DCK: variants seen among roughly 807,000 people sequenced by gnomAD.
DCK encodes deoxycytidine kinase, also known as deoxyadenosine kinase.
DCK carries 23 observed loss-of-function variants against 38.3 expected under a neutral mutation model. That is an observed-to-expected ratio of 0.60 (90% CI 0.43 to 0.85). The LOEUF (loss-of-function observed/expected upper bound fraction) is 0.85. DCK is among the 40% of genes least tolerant of loss of function. The pLI is 0.00. For synonymous variants in DCK, 108 were observed against 100.6 expected (o/e 1.07, Z -0.44); for missense variants, 259 against 304.4 (o/e 0.85, Z 1.11).
In DCK at chr4:71,025,816, A is replaced by G; in HGVS notation, c.550A>G (p.Thr184Ala). Residue 184 changes from threonine (T) to alanine (A), a missense_variant and splice_region_variant, in exon 5 of 7, where the codon ACA becomes GCA. Transcript: ENST00000286648. ...GIIYLQATPE[T>A]CLHRIYLRGR... is the part of the protein sequence containing the mutation. Reference sequence around the variant, plus strand: ...TCCATCTCTTATTACTTGCTTTTAGACATGCTTACATAGAATATATTTACG... The same window carrying G: ...TCCATCTCTTATTACTTGCTTTTAGGCATGCTTACATAGAATATATTTACG... 6.3e-7 allele frequency: 1 copy of G among 1,595,240 alleles called. No homozygotes were observed. The highest frequency in any genetic ancestry group is 2.2e-5 in the East Asian group (1 of 44,524).
chr4:71,025,819 T>A lies in DCK; in HGVS notation c.553T>A (p.Cys185Ser). ...IIYLQATPET[C>S]LHRIYLRGRN... ...ATCTCTTATTACTTGCTTTTAGACA[T>A]GCTTACATAGAATATATTTACGGGG... The change falls in exon 5 of 7, where the codon TGC becomes AGC. Residue 185 changes from cysteine to serine, a missense_variant. Cys to Ser is a moderately radical substitution (Grantham distance 112). Around this residue, in one of 3 missense-constraint regions of DCK, gnomAD observed 82 missense variants for 103.8 expected, o/e 0.79. Transcript: ENST00000286648. The A allele has an allele frequency of 6.2e-7, 1 of 1,605,670 alleles. No individual in the cohort carries two copies. Among genetic ancestry groups the A allele is most frequent in the Non-Finnish European group, 8.5e-7 (1 of 1,176,982 alleles).
Position 70,998,926 on chromosome 4 carries a change from A to C in DCK, c.207+744A>C, listed in dbSNP as rs1017854474. 4.4e-5 allele frequency among the ~76,000 whole-genome samples: 6 copies of C among 137,384 alleles called. No individual in the cohort carries two copies. In the East Asian group the frequency reaches 1.0e-3, roughly 23 times the overall value. 90.1% of individuals were successfully genotyped at this position (137,384 alleles called of 152,430 possible). ...TGACAGAATGAGACACTGTCTCAAC[A>C]AAAAAAAAAAAAGGAAAGTAAAATT... On this transcript the variant is annotated intron_variant, in intron 2 of 6. Transcript: ENST00000286648.
At chr4:71,019,185 C>G (rs1259521824) in intron 2 of DCK, among the ~76,000 whole-genome samples, 1 of 152,006 alleles carries the variant, frequency 6.6e-6, no homozygotes, top group Non-Finnish European at 1.5e-5. Context: ...GCTGAAAATT[C>G]TATTTCAGAT....
At chr4:71,012,649 C>T (rs1453875472) in intron 2 of DCK, among the ~76,000 whole-genome samples, 1 of 152,210 alleles carries the variant, frequency 6.6e-6, no homozygotes, top group Admixed American at 6.5e-5. Context: ...GATACCCAGG[C>T]AAACAGGGTC....
rs774059669 is a variant in DCK, at chr4:71,022,445, T to C, written c.286T>C (p.Phe96Leu). The change falls in exon 3 of 7, where the codon TTC becomes CTC. Residue 96 changes from phenylalanine to leucine, a missense_variant. By Grantham distance (22) the Phe-to-Leu change is conservative. This residue lies in a region of DCK where 159 missense variants were observed against 159.0 expected (regional missense o/e 1.00). Coordinates refer to ENST00000286648, the MANE Select transcript of DCK (RefSeq NM_000788.3). ...GAAACCTGAACGATGGTCTTTTACC[T>C]TCCAAACATATGCCTGTCTCAGTCG... ...YEKPERWSFT[F>L]QTYACLSRIR... 6.2e-7 allele frequency: 1 copy of C among 1,610,814 alleles called. No individual in the cohort carries two copies. Among genetic ancestry groups the C allele is most frequent in the East Asian group, 2.2e-5 (1 of 44,772 alleles).
At chr4:71,020,005 C>G (rs1034610196) in intron 2 of DCK, among the ~76,000 whole-genome samples, 7 of 152,278 alleles carry the variant, frequency 4.6e-5, no homozygotes, top group African/African-American at 1.7e-4. Flanking sequence ...CCAAGCTGGT[C>G]TTGAACTCCT....
At chr4:71,018,347 C>T (rs768565452) in intron 2 of DCK, among the ~76,000 whole-genome samples, 5 of 152,018 alleles carry the variant, frequency 3.3e-5, no homozygotes, top group Admixed American at 6.6e-5. Flanking sequence ...CCAGGATGGT[C>T]TCGATCTCCT....
chr4:71,003,007 A>G (rs1482142951), intron 2 of DCK, among the ~76,000 whole-genome samples: 1 of 152,138 alleles, frequency 6.6e-6, no homozygotes, highest in African/African-American at 2.4e-5. Flanking sequence ...TTATGATGCT[A>G]GCTGGTTATT....
chr4:71,027,326 A>G (rs771680018), intron 6 of DCK, among the ~76,000 whole-genome samples: 7 of 152,144 alleles, frequency 4.6e-5, no homozygotes, highest in Non-Finnish European at 1.0e-4. Flanking sequence ...ATTAATTGAC[A>G]TTACTTAATC....
Position 70,993,660 on chromosome 4 carries a change from C to T in DCK, c.-176C>T, listed in dbSNP as rs1252224230. 30 of 556,864 alleles carry T rather than the reference C, an allele frequency of 5.4e-5. No individual in the cohort carries two copies. The highest frequency in any genetic ancestry group is 1.0e-4 in the Admixed American group (3 of 29,620). 34.5% of individuals were successfully genotyped at this position (556,864 alleles called of 1,614,324 possible). A position where few individuals can be genotyped will look rare whatever the true frequency, so the allele number is the denominator to read the frequency against. On this transcript the variant is annotated 5_prime_UTR_variant, in exon 1 of 7. Transcript: ENST00000286648. ...CCCGCAGGCCCGCCAGTGTCCTCAG[C>T]TGCCTCCGCGCGCCAAAGTCAAACC... is the stretch of plus-strand genomic sequence containing the variant.
intron 2 of DCK, among the ~76,000 whole-genome samples, chr4:71,013,741 C>A (rs889027207): frequency 6.6e-6 from 1 of 152,196 alleles, no homozygotes; most frequent in Non-Finnish European, 1.5e-5. Flanking sequence ...GCCTGCCCTA[C>A]AAGAGCTCCG....
At chr4:70,996,050 A>G (rs1739652902) in intron 1 of DCK, among the ~76,000 whole-genome samples, 1 of 152,178 alleles carries the variant, frequency 6.6e-6, no homozygotes, top group Non-Finnish European at 1.5e-5. Flanking sequence ...AAGAAAAATA[A>G]AAATAAAATT....
chr4:70,996,281 T>C (rs1739657771), intron 1 of DCK, among the ~76,000 whole-genome samples: 1 of 151,824 alleles, frequency 6.6e-6, no homozygotes, highest in Non-Finnish European at 1.5e-5. Context: ...TGGAGATCTT[T>C]GAGACCTATA....
intron 6 of DCK, 60 bp downstream of exon 6, chr4:71,026,815 TGAGAAAACAA>T: frequency 1.3e-6 from 1 of 794,490 alleles, no homozygotes; most frequent in South Asian, 1.6e-5. Context: ...TACTGAGTGG[TGAGAAAACAA>T]TTTTCTAACA....
rs1317411434 is a variant in DCK, at chr4:71,029,366, G to C, written c.771G>C (p.Leu257Phe). The C allele has an allele frequency of 6.2e-7, 1 of 1,605,652 alleles. No homozygotes were observed. The highest frequency in any genetic ancestry group is 8.5e-7 in the Non-Finnish European group (1 of 1,175,422). Residue 257 changes from leucine to phenylalanine, a missense_variant, in exon 7 of 7, where the codon TTG (leucine) becomes TTC (phenylalanine). Physicochemically the swap from Leu to Phe is conservative, Grantham distance 22. This residue lies in a region of DCK where 82 missense variants were observed against 103.8 expected (regional missense o/e 0.79). Transcript: ENST00000286648. ...ESLVEKVKEF[L>F]STL is the part of the protein sequence containing the mutation. Reference sequence around the variant, plus strand: ...CCTTTCCTCAGGTCAAAGAGTTTTTGAGTACTTTGTGATCTTGCTGAAGAC... The same window carrying C: ...CCTTTCCTCAGGTCAAAGAGTTTTTCAGTACTTTGTGATCTTGCTGAAGAC...
At chr4:71,012,417 A>G (rs1409714492) in intron 2 of DCK, among the ~76,000 whole-genome samples, 1 of 152,238 alleles carries the variant, frequency 6.6e-6, no homozygotes. Context: ...TGAAGAGAGT[A>G]GTGGTTCTCT....
At chr4:71,012,440 T>A (rs1387063721) in intron 2 of DCK, among the ~76,000 whole-genome samples, 1 of 152,252 alleles carries the variant, frequency 6.6e-6, no homozygotes, top group African/African-American at 2.4e-5. Context: ...GCACGGAGTT[T>A]GAGATCTGAG....
intron 4 of DCK, 106 bp downstream of exon 4, chr4:71,023,812 C>T: frequency 1.1e-6 from 1 of 906,166 alleles, no homozygotes; most frequent in Middle Eastern, 2.8e-4. Flanking sequence ...AGCCTCCCAA[C>T]CTCCCACTCC....
At chr4:70,997,590 G>A (rs952655675) in intron 1 of DCK, among the ~76,000 whole-genome samples, 1 of 152,150 alleles carries the variant, frequency 6.6e-6, no homozygotes, top group African/African-American at 2.4e-5. Context: ...AGTTCTGCAA[G>A]TCAAAGGTAA....
Sources: allele counts gnomAD v4.1 joint callset (sites outside exome capture counted in the v4.1 genomes callset), GRCh38; gene constraint gnomAD v4.1.1; regional missense constraint gnomAD v4.1.1; transcripts MANE v1.5; gene names NCBI Gene and HGNC (gene_info 2026-07-23, HGNC 2026-07-21).